Variants in BLM observed in about 807,000 individuals in gnomAD.
The protein encoded by BLM is recQ-like DNA helicase BLM.
BLM carries 95 observed loss-of-function variants against 135.3 expected under a neutral mutation model. That is an observed-to-expected ratio of 0.70 (90% CI 0.59 to 0.83). The LOEUF is 0.83. Ranked by LOEUF, BLM falls within the 40% of genes least tolerant of loss-of-function variation. The probability of loss-of-function intolerance (pLI) is 0.00; values close to 1 mark genes in which losing one functional copy is unlikely to be tolerated. For missense variants in BLM, 1,518 were observed against 1,663.9 expected, an observed-to-expected ratio of 0.91 and a Z score of 1.53; for synonymous variants, 520 against 589.2, an observed-to-expected ratio of 0.88 and a Z score of 1.70.
At chr15:90,758,702 G>T (rs1267949384) in intron 5 of BLM, among the ~76,000 whole-genome samples, 1 of 151,942 alleles carries the variant, frequency 6.6e-6, no homozygotes, top group Non-Finnish European at 1.5e-5. Flanking sequence ...CTTTTCCTTT[G>T]TATCAATCTT....
chr15:90,743,131 G>C (rs917150648), intron 1 of BLM, among the ~76,000 whole-genome samples: 2 of 151,566 alleles, frequency 1.3e-5, no homozygotes, highest in African/African-American at 4.8e-5. Flanking sequence ...TGAGTAGTTG[G>C]GACTGTAGGT....
rs574475367 is a variant in BLM, at chr15:90,786,283, C to T, written c.2823+1202C>T. Among the ~76,000 whole-genome samples the T allele has an allele frequency of 6.6e-5, 10 of 152,132 alleles. No homozygotes were observed. In the South Asian group the frequency reaches 8.3e-4, roughly 13 times the overall value. On this transcript the variant is annotated intron_variant, in intron 14 of 21. Coordinates refer to ENST00000355112, the MANE Select transcript of BLM (RefSeq NM_000057.4). ...GATTATAGGTGTGAGCCACCATCCC[C>T]GATGTGTTTCTACTTCTTGGCTACT...
intron 17 of BLM, among the ~76,000 whole-genome samples, chr15:90,801,015 G>A (rs1198093944): frequency 2.0e-5 from 3 of 152,064 alleles, no homozygotes; most frequent in Admixed American, 1.3e-4. Context: ...CGGGACTGAT[G>A]TTGTGCACCT....
chr15:90,809,375 T>C, intron 20 of BLM, 116 bp downstream of exon 20: 2 of 1,537,198 alleles, frequency 1.3e-6, no homozygotes, highest in Non-Finnish European at 1.8e-6. Flanking sequence ...CACACTGACA[T>C]CCAAGTCAGC....
intron 20 of BLM, 44 bp from the exon 21 acceptor site, chr15:90,811,161 C>A: frequency 5.0e-6 from 8 of 1,599,692 alleles, no homozygotes; most frequent in African/African-American, 1.3e-5. Flanking sequence ...AACACGTGGA[C>A]CAGTGCGACA....
intron 1 of BLM, among the ~76,000 whole-genome samples, chr15:90,726,848 T>A (rs1894931537): frequency 2.0e-5 from 3 of 152,236 alleles, no homozygotes; most frequent in Middle Eastern, 3.2e-3. Flanking sequence ...AACACCTTGG[T>A]TGATTCCGTA....
intron 13 of BLM, among the ~76,000 whole-genome samples, chr15:90,783,154 T>C (rs955857283): frequency 6.6e-6 from 1 of 152,242 alleles, no homozygotes; most frequent in African/African-American, 2.4e-5. Context: ...TACTCCCTCC[T>C]ACACACGTAT....
chr15:90,751,335 C>A (rs1187941564), intron 3 of BLM, among the ~76,000 whole-genome samples: 1 of 152,124 alleles, frequency 6.6e-6, no homozygotes, highest in African/African-American at 2.4e-5. Context: ...TAGACAGCAA[C>A]AATTTGGGTT....
chr15:90,758,926 GC>G (rs1409166467), intron 5 of BLM, among the ~76,000 whole-genome samples: 1 of 152,148 alleles, frequency 6.6e-6, no homozygotes, highest in Non-Finnish European at 1.5e-5. Flanking sequence ...TTAAAGGGAA[GC>G]CTGGATTCCA....
In BLM at chr15:90,766,897, C is replaced by T. The variant is rs746930460; in HGVS notation, c.2194-13C>T. 7.1e-5 allele frequency: 108 copies of T among 1,511,238 alleles called. No homozygotes were observed. The highest frequency in any genetic ancestry group is 1.7e-5 in the Non-Finnish European group (18 of 1,088,512). The allele number at this position is 1,511,238 out of a possible 1,614,324, so 93.6% of individuals were successfully genotyped here. ...TGTATAAAATTGAAATTGTTTACTACTTTTATACTTAGATTCCAGCTACAT... is the reference window on the plus strand; with the variant it reads ...TGTATAAAATTGAAATTGTTTACTATTTTTATACTTAGATTCCAGCTACAT... On this transcript the variant is annotated splice_polypyrimidine_tract_variant and intron_variant, in intron 9 of 21. Transcript: ENST00000355112.
In BLM at chr15:90,809,132, C is replaced by T. The variant is rs2151198253; in HGVS notation, c.3752-5C>T. Reference sequence around the variant, plus strand: ...TTAAATTCCTAATTTTATGCCTTTGCACAGAATCTTTATCTTCTGATCCTG... The same window carrying T: ...TTAAATTCCTAATTTTATGCCTTTGTACAGAATCTTTATCTTCTGATCCTG... On this transcript the variant is annotated splice_region_variant and splice_polypyrimidine_tract_variant and intron_variant, in intron 19 of 21. Coordinates refer to ENST00000355112, the MANE Select transcript of BLM (RefSeq NM_000057.4). 1 of 1,614,108 alleles carries T rather than the reference C, an allele frequency of 6.2e-7. No homozygotes were observed. Among genetic ancestry groups the T allele is most frequent in the Non-Finnish European group, 8.5e-7 (1 of 1,179,966 alleles).
In BLM at chr15:90,811,380, T is replaced by C. The variant is rs200346177; in HGVS notation, c.4050T>C (p.Thr1350=). The change falls in exon 21 of 22, where the codon ACT becomes ACC. Residue 1350 remains threonine (T), a synonymous_variant. Transcript: ENST00000355112. ...PASQRSKRRK[T]ASSGSKAKGG... Reference sequence around the variant, plus strand: ...CCCAAAGGTCTAAGAGGAGAAAAACTGCTTCCAGTGGTTCCAAGGCAAAGG... The same window carrying C: ...CCCAAAGGTCTAAGAGGAGAAAAACCGCTTCCAGTGGTTCCAAGGCAAAGG... The C allele has an allele frequency of 6.2e-7, 1 of 1,614,190 alleles. No individual in the cohort carries two copies. Among genetic ancestry groups the C allele is most frequent in the East Asian group, 2.2e-5 (1 of 44,890 alleles).
chr15:90,795,405 G>T (rs1897005734), intron 16 of BLM, among the ~76,000 whole-genome samples: 1 of 152,138 alleles, frequency 6.6e-6, no homozygotes, highest in Admixed American at 6.5e-5. Context: ...GCTTGAACCT[G>T]GTAGGTGGAG....
At chr15:90,726,440 G>A (rs1894918833) in intron 1 of BLM, among the ~76,000 whole-genome samples, 1 of 152,028 alleles carries the variant, frequency 6.6e-6, no homozygotes, top group African/African-American at 2.4e-5. Context: ...GGCTAATTTT[G>A]CATTTTTAGT....
chr15:90,745,408 C>G (rs1003267107), intron 1 of BLM, among the ~76,000 whole-genome samples: 15 of 151,926 alleles, frequency 9.9e-5, no homozygotes, highest in African/African-American at 3.6e-4. Context: ...CAAGTGTAGA[C>G]TTCTTTTTTG....
chr15:90,734,662 C>T (rs975220080), intron 1 of BLM, among the ~76,000 whole-genome samples: 6 of 146,344 alleles, frequency 4.1e-5, no homozygotes, highest in Non-Finnish European at 7.4e-5. Context: ...TACACACACA[C>T]GCGCGCACGC....
chr15:90,734,212 T>G (rs1421926519), intron 1 of BLM, among the ~76,000 whole-genome samples: 1 of 152,104 alleles, frequency 6.6e-6, no homozygotes, highest in African/African-American at 2.4e-5. Context: ...TACTTTTATA[T>G]ATGCTGAAAA....
intron 12 of BLM, among the ~76,000 whole-genome samples, chr15:90,782,098 A>G (rs1431622947): frequency 6.6e-6 from 1 of 152,092 alleles, no homozygotes; most frequent in African/African-American, 2.4e-5. Flanking sequence ...ACTTAAGACT[A>G]CTTGGTAGGC....
At chr15:90,795,570 T>C (rs1023390791) in intron 16 of BLM, among the ~76,000 whole-genome samples, 7 of 152,154 alleles carry the variant, frequency 4.6e-5, no homozygotes, top group African/African-American at 1.7e-4. Flanking sequence ...AGTGTGGAAC[T>C]GGCAAATTCA....
Sources: allele counts gnomAD v4.1 joint callset (sites outside exome capture counted in the v4.1 genomes callset), GRCh38; gene constraint gnomAD v4.1.1; transcripts MANE v1.5; gene names NCBI Gene and HGNC (gene_info 2026-07-23, HGNC 2026-07-21).